RAB8B: variants seen among roughly 807,000 people sequenced by gnomAD.
RAB8B encodes ras-related protein Rab-8B.
RAB8B carries 11 observed loss-of-function variants against 32.0 expected under a neutral mutation model. The observed-to-expected ratio is 0.34, with a 90% CI of 0.22 to 0.57. The LOEUF is 0.57. Ranked by LOEUF, RAB8B falls within the 20% of genes least tolerant of loss-of-function variation. The pLI, the probability that RAB8B is intolerant of heterozygous loss-of-function variation, is 0.86. For synonymous variants in RAB8B, 103 were observed against 89.6 expected, an observed-to-expected ratio of 1.15 and a Z score of -0.85; for missense variants, 190 against 258.5, an observed-to-expected ratio of 0.73 and a Z score of 1.82.
At chr15:63,209,280 TA>T (rs1466881611) in intron 1 of RAB8B, among the ~76,000 whole-genome samples, 2 of 152,042 alleles carry the variant, frequency 1.3e-5, no homozygotes, top group Non-Finnish European at 2.9e-5. Context: ...ACTGAAATTT[TA>T]GGATGATATT....
intron 1 of RAB8B, among the ~76,000 whole-genome samples, chr15:63,243,268 C>T (rs2038046845): frequency 6.6e-6 from 1 of 152,204 alleles, no homozygotes; most frequent in Non-Finnish European, 1.5e-5. Context: ...TCCTGCTGTG[C>T]AGCCCAGTAC....
At chr15:63,213,521 T>G (rs1285666502) in intron 1 of RAB8B, among the ~76,000 whole-genome samples, 1 of 152,194 alleles carries the variant, frequency 6.6e-6, no homozygotes, top group East Asian at 1.9e-4. Flanking sequence ...GGCTGTGCAT[T>G]TATGACTATA....
At chr15:63,244,875 A>G in intron 2 of RAB8B, 59 bp downstream of exon 2, 1 of 1,398,356 alleles carries the variant, frequency 7.2e-7, no homozygotes, top group East Asian at 2.3e-5. Context: ...TAGGAATTAA[A>G]TGTGAATTGT....
At chr15:63,233,628 T>C (rs1389373215) in intron 1 of RAB8B, among the ~76,000 whole-genome samples, 1 of 152,228 alleles carries the variant, frequency 6.6e-6, no homozygotes, top group East Asian at 1.9e-4. Context: ...TCTTTATTGT[T>C]AATCAAAATC....
intron 1 of RAB8B, among the ~76,000 whole-genome samples, chr15:63,215,016 C>T (rs908144425): frequency 1.3e-5 from 2 of 152,186 alleles, no homozygotes; most frequent in Non-Finnish European, 2.9e-5. Flanking sequence ...GATCTCCTTT[C>T]CTATCCCAGA....
intron 1 of RAB8B, among the ~76,000 whole-genome samples, chr15:63,215,215 AG>A (rs2037782732): frequency 6.6e-6 from 1 of 152,210 alleles, no homozygotes; most frequent in East Asian, 1.9e-4. Flanking sequence ...ATCTGATCAT[AG>A]TCTCATCGTG....
chr15:63,214,619 G>T (rs899224182), intron 1 of RAB8B, among the ~76,000 whole-genome samples: 1 of 152,116 alleles, frequency 6.6e-6, no homozygotes, highest in East Asian at 1.9e-4. Flanking sequence ...GATTACAGGC[G>T]TGAGCCACCA....
rs1006081063 is a variant in RAB8B at position 63,264,002 on chromosome 15, A to G, written c.*383A>G. 6.1e-6 allele frequency: 1 copy of G among 165,284 alleles called. No homozygotes were observed. Among genetic ancestry groups the G allele is most frequent in the African/African-American group, 2.4e-5 (1 of 41,782 alleles). 10.2% of individuals were successfully genotyped at this position (165,284 alleles called of 1,614,324 possible). On this transcript the variant is annotated 3_prime_UTR_variant, in exon 8 of 8. Coordinates refer to ENST00000321437, the MANE Select transcript of RAB8B (RefSeq NM_016530.3). The stretch of plus-strand genomic sequence containing the variant: ...CGTGAAGTTCTAGACAAATTTGTAC[A>G]TGTGGCAATGTTAAAAGAGCATTTA...
At chr15:63,223,844 A>G (rs929949443) in intron 1 of RAB8B, 5 of 430,740 alleles carry the variant, frequency 1.2e-5, no homozygotes, top group African/African-American at 6.1e-5. Context: ...GTTTTCTTCT[A>G]TAGTGCGGCC....
chr15:63,256,405 T>A, intron 4 of RAB8B, 100 bp from the exon 5 acceptor site: 1 of 818,380 alleles, frequency 1.2e-6, no homozygotes. Context: ...TAAAAGATTA[T>A]GTCTTATTAA....
intron 1 of RAB8B, among the ~76,000 whole-genome samples, chr15:63,210,286 T>C (rs1320500527): frequency 2.0e-5 from 3 of 152,232 alleles, no homozygotes; most frequent in African/African-American, 4.8e-5. Flanking sequence ...CCTGTGAACA[T>C]TGGCCTGATT....
chr15:63,192,824 T>C (rs2037568789), intron 1 of RAB8B, among the ~76,000 whole-genome samples: 1 of 152,178 alleles, frequency 6.6e-6, no homozygotes, highest in South Asian at 2.1e-4. Flanking sequence ...CTGGGTGTGG[T>C]GGCTCAAGCT....
chr15:63,263,155 C>T (rs528940908), intron 7 of RAB8B, among the ~76,000 whole-genome samples: 2 of 152,264 alleles, frequency 1.3e-5, no homozygotes, highest in African/African-American at 4.8e-5. Context: ...ACTATAATTG[C>T]GTACCTTATG....
At chr15:63,231,494 TTTTTTG>T (rs1385761589) in intron 1 of RAB8B, among the ~76,000 whole-genome samples, 1 of 16,586 alleles carries the variant, frequency 6.0e-5, no homozygotes, top group Non-Finnish European at 2.4e-4. Context: ...GATTTGCGTG[TTTTTTG>T]TTTTTTTTTT....
intron 1 of RAB8B, among the ~76,000 whole-genome samples, chr15:63,243,751 A>C (rs947340394): frequency 2.6e-5 from 4 of 152,048 alleles, no homozygotes; most frequent in Non-Finnish European, 5.9e-5. Flanking sequence ...CAGTCATCTT[A>C]GTCCATTTTC....
intron 1 of RAB8B, among the ~76,000 whole-genome samples, chr15:63,207,195 A>C (rs2037705392): frequency 6.6e-6 from 1 of 152,152 alleles, no homozygotes; most frequent in Admixed American, 6.5e-5. Flanking sequence ...TATTGCATTG[A>C]TGTCCATATC....
intron 1 of RAB8B, among the ~76,000 whole-genome samples, chr15:63,190,521 A>G (rs1364062404): frequency 6.6e-6 from 1 of 152,140 alleles, no homozygotes; most frequent in East Asian, 1.9e-4. Context: ...GAGGAAATGG[A>G]AAGTAGTGGG....
intron 1 of RAB8B, among the ~76,000 whole-genome samples, chr15:63,231,602 C>G (rs1231117051): frequency 6.6e-6 from 1 of 151,342 alleles, no homozygotes; most frequent in Non-Finnish European, 1.5e-5. Context: ...CAAGGAAATT[C>G]TAGGTTTAGG....
At chr15:63,200,784 AC>A (rs1209767999) in intron 1 of RAB8B, among the ~76,000 whole-genome samples, 1 of 152,230 alleles carries the variant, frequency 6.6e-6, no homozygotes, top group Non-Finnish European at 1.5e-5. Context: ...CCAAGGTCAC[AC>A]AAAGCCTGAC....
Sources: allele counts gnomAD v4.1 joint callset (sites outside exome capture counted in the v4.1 genomes callset), GRCh38; gene constraint gnomAD v4.1.1; transcripts MANE v1.5; gene names NCBI Gene and HGNC (gene_info 2026-07-23, HGNC 2026-07-21).